Variants in MAPDA observed in about 807,000 individuals in gnomAD.
MAPDA encodes the protein N6-Methyl-AMP deaminase.
At chr15:43,345,780 G>C in the MAPDA span, 11 of 1,569,836 alleles carry the variant, frequency 7.0e-6, no homozygotes, top group East Asian at 2.5e-4. Context: ...TGCCATCTCT[G>C]TCTGGCTGTA....
chr15:43,332,289 GCTCAC>G, the MAPDA span: 11 of 152,056 alleles, frequency 7.2e-5, no homozygotes, highest in African/African-American at 2.7e-4. Flanking sequence ...TAGAAGAAGG[GCTCAC>G]CTATGCCTGC....
chr15:43,340,466 GT>G, the MAPDA span: 2 of 789,854 alleles, frequency 2.5e-6, no homozygotes, highest in Admixed American at 2.7e-5. Context: ...GTGTTGTTCT[GT>G]ATTTCATTGA....
At chr15:43,348,942 G>T in the MAPDA span, 2 of 1,614,120 alleles carry the variant, frequency 1.2e-6, no homozygotes, top group East Asian at 4.5e-5. Context: ...AAATACTCCT[G>T]GATCTGCTTC....
chr15:43,347,066 AG>A, the MAPDA span: 2 of 1,613,912 alleles, frequency 1.2e-6, no homozygotes, highest in South Asian at 2.2e-5. Context: ...CTAAGAAAGC[AG>A]GTCTGAAGTT....
At chr15:43,340,511 T>A in the MAPDA span, among the ~76,000 whole-genome samples, 1 of 152,222 alleles carries the variant, frequency 6.6e-6, no homozygotes, top group Non-Finnish European at 1.5e-5. Flanking sequence ...CTCTCTCTGA[T>A]GTACATTAAT....
chr15:43,341,089 G>GAGC, the MAPDA span, among the ~76,000 whole-genome samples: 2 of 152,204 alleles, frequency 1.3e-5, no homozygotes. Flanking sequence ...CCTTCTATAA[G>GAGC]AGCAGCATCA....
At chr15:43,340,378 G>A in the MAPDA span, 43 of 1,583,768 alleles carry the variant, frequency 2.7e-5, no homozygotes, top group African/African-American at 5.4e-4. Flanking sequence ...CTCAGCAAAT[G>A]TACTGTCCTT....
chr15:43,334,633 TTATATATATATA>T, the MAPDA span, among the ~76,000 whole-genome samples: 486 of 65,168 alleles, frequency 7.5e-3, 27 homozygotes, highest in African/African-American at 9.5e-3. Context: ...CTCAAAAAAA[TTATATATATATA>T]TATATATATA....
At chr15:43,351,159 G>A in the MAPDA span, 1 of 986,750 alleles carries the variant, frequency 1.0e-6, no homozygotes, top group African/African-American at 1.6e-5. Flanking sequence ...AAGTAGAGGA[G>A]TTAGAAGGGA....
chr15:43,350,990 C>A, the MAPDA span: 2 of 1,551,680 alleles, frequency 1.3e-6, no homozygotes, highest in South Asian at 1.2e-5. Context: ...CATCTTATGA[C>A]CAGCACCATT....
At chr15:43,353,514 A>G in the MAPDA span, 2 of 152,108 alleles carry the variant, frequency 1.3e-5, no homozygotes, top group Non-Finnish European at 2.9e-5. Flanking sequence ...AAATCCTTAG[A>G]GTCTCCAGAG....
chr15:43,350,012 T>G, the MAPDA span, among the ~76,000 whole-genome samples: 1 of 152,148 alleles, frequency 6.6e-6, no homozygotes, highest in East Asian at 1.9e-4. Context: ...GGTATTTTAC[T>G]CTGGCTGGGG....
chr15:43,344,171 C>G, the MAPDA span, among the ~76,000 whole-genome samples: 2 of 152,070 alleles, frequency 1.3e-5, no homozygotes, highest in Non-Finnish European at 2.9e-5. Context: ...CCCTCTGACA[C>G]AGTAATTCTG....
chr15:43,346,993 T>C, the MAPDA span: 1 of 1,600,952 alleles, frequency 6.2e-7, no homozygotes, highest in Non-Finnish European at 8.6e-7. Flanking sequence ...TCATGCATCC[T>C]TATTTTAACT....
At chr15:43,354,501 TAA>T in the MAPDA span, 35 of 152,240 alleles carry the variant, frequency 2.3e-4, 1 homozygote, top group Non-Finnish European at 5.9e-5. Flanking sequence ...AATATGGTTA[TAA>T]AGTTTTATAG....
the MAPDA span, chr15:43,352,637 G>A: frequency 6.6e-6 from 1 of 152,284 alleles, no homozygotes; most frequent in South Asian, 2.1e-4. Flanking sequence ...TCCCAGGGAT[G>A]TTTGAGGCTG....
the MAPDA span, among the ~76,000 whole-genome samples, chr15:43,336,046 T>C: frequency 2.0e-5 from 3 of 152,162 alleles, no homozygotes; most frequent in African/African-American, 7.2e-5. Flanking sequence ...GGATATTCTT[T>C]CTTTTCTTTT....
chr15:43,334,972 C>T, the MAPDA span: 1 of 726,210 alleles, frequency 1.4e-6, no homozygotes, highest in Non-Finnish European at 2.3e-6. Context: ...TCTACACATA[C>T]AGCTAATCTT....
the MAPDA span, chr15:43,351,894 T>G: frequency 6.4e-7 from 1 of 1,551,702 alleles, no homozygotes; most frequent in Non-Finnish European, 8.7e-7. Context: ...GCACCAGATC[T>G]GAACTGAGGA....
Sources: gnomAD v4.1 joint callset for allele counts (sites outside exome capture counted in the v4.1 genomes callset) on GRCh38, gnomAD v4.1.1 for gene constraint, MANE v1.5 for transcripts, NCBI Gene and HGNC (gene_info 2026-07-23, HGNC 2026-07-21) for gene names.